Variants in SEC24A observed in about 807,000 individuals in gnomAD.
SEC24A encodes protein transport protein Sec24A.
Under a neutral mutation model 129.4 loss-of-function variants are expected in SEC24A, and 93 were observed. The ratio of observed to expected loss-of-function variants is 0.72; its 90% CI spans 0.61 to 0.85. SEC24A has a LOEUF of 0.85. Ranked by LOEUF, SEC24A falls within the 40% of genes least tolerant of loss-of-function variation. The pLI, the probability that SEC24A is intolerant of heterozygous loss-of-function variation, is 0.00. For missense variants in SEC24A, 1,264 were observed against 1,307.4 expected, an observed-to-expected ratio of 0.97 and a Z score of 0.51; for synonymous variants, 460 against 467.3, an observed-to-expected ratio of 0.98 and a Z score of 0.20.
At chr5:134,697,458 G>A (rs923916968) in intron 14 of SEC24A, among the ~76,000 whole-genome samples, 1 of 152,124 alleles carries the variant, frequency 6.6e-6, no homozygotes, top group Admixed American at 6.6e-5. Context: ...AGGAATGCAG[G>A]CCGGGTATGA....
At position 134,671,811 on chromosome 5, in the gene SEC24A, A is replaced by C. The variant is rs756827994; in HGVS notation, c.742A>C (p.Ile248Leu). 6.3e-7 allele frequency: 1 copy of C among 1,580,110 alleles called. No individual in the cohort carries two copies. ...LFNSAVNQEG[I>L]TSNTNNGSMV... ...TTGTTGATGAACTTCCTTCTTAGGTATTACATCAAATACCAATAACGGATC... is the reference window on the plus strand; with the variant it reads ...TTGTTGATGAACTTCCTTCTTAGGTCTTACATCAAATACCAATAACGGATC... The change falls in exon 4 of 23, where the codon ATT becomes CTT. Residue 248 changes from isoleucine (I) to leucine (L), a missense_variant and splice_region_variant. Physicochemically the swap from Ile to Leu is conservative, Grantham distance 5 (BLOSUM62 2). Transcript: ENST00000398844.
At chr5:134,710,366 C>T (rs183911559) in intron 18 of SEC24A, among the ~76,000 whole-genome samples, 337 of 151,864 alleles carry the variant, frequency 2.2e-3, no homozygotes, top group African/African-American at 7.6e-3. Context: ...TGAGTAGCTG[C>T]GATTATAGGC....
chr5:134,707,169 G>T (rs756271956), intron 17 of SEC24A, among the ~76,000 whole-genome samples: 4 of 151,998 alleles, frequency 2.6e-5, no homozygotes, highest in Non-Finnish European at 5.9e-5. Flanking sequence ...ACTTAATTCT[G>T]TCTGTATCAG....
intron 12 of SEC24A, chr5:134,693,184 C>CAAGTCA: frequency 6.5e-7 from 1 of 1,532,070 alleles, no homozygotes; most frequent in South Asian, 1.2e-5. Flanking sequence ...TTTTAACTAG[C>CAAGTCA]AAGTCTATGG....
intron 4 of SEC24A, among the ~76,000 whole-genome samples, chr5:134,673,805 A>G (rs1004057877): frequency 2.6e-5 from 4 of 152,158 alleles, no homozygotes; most frequent in African/African-American, 9.6e-5. Flanking sequence ...TGTGTCTACT[A>G]CTATAGTATA....
chr5:134,683,270 C>T (rs1306470194), intron 9 of SEC24A, among the ~76,000 whole-genome samples: 15 of 151,866 alleles, frequency 9.9e-5, no homozygotes, highest in Admixed American at 6.6e-4. Context: ...CCTCCCACCT[C>T]GGCCTCCCAG....
chr5:134,684,250 C>T (rs1751372035), intron 9 of SEC24A, among the ~76,000 whole-genome samples: 1 of 150,874 alleles, frequency 6.6e-6, no homozygotes, highest in East Asian at 2.0e-4. Flanking sequence ...TTGCAGTGAG[C>T]CAAGGTTGCG....
intron 1 of SEC24A, among the ~76,000 whole-genome samples, chr5:134,659,318 C>T (rs542808158): frequency 2.0e-5 from 3 of 152,110 alleles, no homozygotes; most frequent in Non-Finnish European, 2.9e-5. Context: ...GTGATCCGCC[C>T]GCCTTGGCCT....
chr5:134,704,803 T>TAA (rs554646435), intron 16 of SEC24A, among the ~76,000 whole-genome samples: 32 of 131,268 alleles, frequency 2.4e-4, no homozygotes, highest in Middle Eastern at 3.8e-3. Flanking sequence ...ACCTTGTTTC[T>TAA]AAAAAAAAAA....
chr5:134,693,300 A>G, intron 12 of SEC24A: 3 of 1,403,662 alleles, frequency 2.1e-6, no homozygotes, highest in Non-Finnish European at 2.8e-6. Context: ...TTTCTTTTGT[A>G]GTGATATTAC....
At chr5:134,654,254 G>T (rs4958193) in intron 1 of SEC24A, among the ~76,000 whole-genome samples, 147,928 of 152,100 alleles carry the variant, frequency 0.97, 72,011 homozygotes, top group Non-Finnish European at 0.99. Flanking sequence ...GGAGTCTCAC[G>T]CTGTCACCCA....
intron 3 of SEC24A, among the ~76,000 whole-genome samples, chr5:134,668,788 C>T (rs1034587856): frequency 2.0e-5 from 3 of 151,338 alleles, no homozygotes; most frequent in East Asian, 1.9e-4. Flanking sequence ...CCCAGCTACT[C>T]GGGAGGCTGA....
At chr5:134,719,735 C>T (rs750413942) in intron 20 of SEC24A, among the ~76,000 whole-genome samples, 2 of 151,930 alleles carry the variant, frequency 1.3e-5, no homozygotes, top group Non-Finnish European at 2.9e-5. Context: ...CCTGTAATCC[C>T]AGCACTTAGA....
Position 134,648,869 on chromosome 5 carries a change from T to C in SEC24A, c.-208T>C. The C allele has an allele frequency of 2.4e-6, 1 of 422,164 alleles. No individual in the cohort carries two copies. Among genetic ancestry groups the C allele is most frequent in the Non-Finnish European group, 4.4e-6 (1 of 228,328 alleles). The allele number at this position is 422,164 out of a possible 1,614,324, so 26.2% of individuals were successfully genotyped here. A position where few individuals can be genotyped will look rare whatever the true frequency, so the allele number is the denominator to read the frequency against. On this transcript the variant is annotated 5_prime_UTR_variant, in exon 1 of 23. Transcript: ENST00000398844. The stretch of plus-strand genomic sequence containing the variant: ...GTTCGCGGCCCCGCCGGCCCGACTC[T>C]CAAGCCTCAGCTCCCAGGCTAGGCT...
intron 18 of SEC24A, among the ~76,000 whole-genome samples, 160 bp from the exon 19 acceptor site, chr5:134,714,864 A>G (rs1355000239): frequency 6.6e-6 from 1 of 152,234 alleles, no homozygotes; most frequent in Non-Finnish European, 1.5e-5. Flanking sequence ...CTACAGTTTA[A>G]TAGATGTGTG....
At chr5:134,710,698 T>C (rs1020408146) in intron 18 of SEC24A, among the ~76,000 whole-genome samples, 1 of 152,216 alleles carries the variant, frequency 6.6e-6, no homozygotes, top group Non-Finnish European at 1.5e-5. Context: ...ATTATTTATA[T>C]GTCTCCCCTG....
chr5:134,692,749 T>G (rs75170219), intron 12 of SEC24A, 92 bp downstream of exon 12: 1 of 858,496 alleles, frequency 1.2e-6, no homozygotes, highest in Non-Finnish European at 2.0e-6. Flanking sequence ...TGATTATTTC[T>G]GTGACATTTC....
intron 13 of SEC24A, among the ~76,000 whole-genome samples, chr5:134,694,572 G>A (rs1290889837): frequency 2.6e-5 from 4 of 151,940 alleles, no homozygotes; most frequent in Admixed American, 2.6e-4. Context: ...GCGTGAACCC[G>A]GGAGGCGGAG....
At position 134,693,754 on chromosome 5, in the gene SEC24A, C is replaced by T. The variant is rs1192972273; in HGVS notation, c.1807C>T (p.Pro603Ser). 1 of 1,613,892 alleles carries T rather than the reference C, an allele frequency of 6.2e-7. No individual in the cohort carries two copies. The change falls in exon 13 of 23, where the codon CCA becomes TCA. Residue 603 changes from proline (P) to serine (S), a missense_variant. Pro to Ser is a moderately conservative substitution (Grantham distance 74). Transcript: ENST00000398844. ...ELVQDLLKTL[P>S]QMFTKTLETQ... ...CGTGCAAGATTTACTGAAAACTTTG[C>T]CACAAATGTTTACCAAGACTCTGGA...
Sources: gnomAD v4.1 joint callset for allele counts (sites outside exome capture counted in the v4.1 genomes callset) on GRCh38, gnomAD v4.1.1 for gene constraint, MANE v1.5 for transcripts, NCBI Gene and HGNC (gene_info 2026-07-23, HGNC 2026-07-21) for gene names.